CFAP263: variants seen among roughly 807,000 people sequenced by gnomAD.
CFAP263 encodes cilia and flagella associated protein 263.
At chr16:58,260,252 A>G in the CFAP263 span, among the ~76,000 whole-genome samples, 4 of 152,124 alleles carry the variant, frequency 2.6e-5, no homozygotes, top group Non-Finnish European at 5.9e-5. Context: ...AGGGGTCAGG[A>G]GTCAAGGACT....
the CFAP263 span, among the ~76,000 whole-genome samples, chr16:58,274,326 C>T: frequency 6.6e-6 from 1 of 152,204 alleles, no homozygotes; most frequent in Admixed American, 6.5e-5. Flanking sequence ...CCTTAAAAAA[C>T]TCCATTGTTT....
the CFAP263 span, among the ~76,000 whole-genome samples, chr16:58,256,979 A>G: frequency 6.9e-6 from 1 of 143,928 alleles, no homozygotes; most frequent in Non-Finnish European, 1.5e-5. Context: ...TTTACCTCCT[A>G]CAGTTTAGAT....
the CFAP263 span, chr16:58,279,882 C>T: frequency 1.4e-5 from 13 of 912,438 alleles, no homozygotes; most frequent in Admixed American, 7.1e-5. Context: ...CCTGGTGTTC[C>T]CAACCCCCCA....
the CFAP263 span, chr16:58,262,411 C>A: frequency 3.1e-6 from 5 of 1,612,214 alleles, no homozygotes; most frequent in Non-Finnish European, 4.2e-6. Flanking sequence ...AGGCCCTTCA[C>A]GATGTTGATT....
chr16:58,277,651 G>C, the CFAP263 span, among the ~76,000 whole-genome samples: 1 of 152,158 alleles, frequency 6.6e-6, no homozygotes, highest in South Asian at 2.1e-4. Context: ...TAGCCAAGAA[G>C]TGGAAGCAAC....
At chr16:58,254,253 G>A in the CFAP263 span, 1 of 1,365,038 alleles carries the variant, frequency 7.3e-7, no homozygotes, top group Non-Finnish European at 1.0e-6. Flanking sequence ...GATTGTTGGG[G>A]CTTTGGAAGA....
chr16:58,267,204 C>A, the CFAP263 span, among the ~76,000 whole-genome samples: 20 of 152,226 alleles, frequency 1.3e-4, no homozygotes, highest in East Asian at 1.9e-4. Context: ...TCTGGGACCT[C>A]CCCAGAGATC....
chr16:58,273,489 T>C, the CFAP263 span, among the ~76,000 whole-genome samples: 1 of 152,238 alleles, frequency 6.6e-6, no homozygotes, highest in African/African-American at 2.4e-5. Context: ...CTTTTTCATT[T>C]TAGTCATCAT....
the CFAP263 span, chr16:58,250,078 C>T: frequency 6.3e-7 from 1 of 1,596,274 alleles, no homozygotes; most frequent in Non-Finnish European, 8.5e-7. Context: ...GCTGGAGCTG[C>T]CTGTTATCCA....
the CFAP263 span, among the ~76,000 whole-genome samples, chr16:58,254,367 A>G: frequency 6.6e-6 from 1 of 152,208 alleles, no homozygotes; most frequent in Non-Finnish European, 1.5e-5. Flanking sequence ...GGAAATTTCA[A>G]AAATACACGA....
the CFAP263 span, chr16:58,279,964 T>C: frequency 3.2e-6 from 2 of 621,812 alleles, no homozygotes; most frequent in Non-Finnish European, 5.6e-6. Context: ...CCCCTGGAAC[T>C]GTTACCACTG....
chr16:58,268,640 C>A, the CFAP263 span, among the ~76,000 whole-genome samples: 1 of 152,118 alleles, frequency 6.6e-6, no homozygotes, highest in African/African-American at 2.4e-5. Context: ...ACATGCACAT[C>A]ATTTTCTCGA....
At chr16:58,279,077 G>A in the CFAP263 span, among the ~76,000 whole-genome samples, 1 of 151,978 alleles carries the variant, frequency 6.6e-6, no homozygotes, top group Non-Finnish European at 1.5e-5. Flanking sequence ...GCTTTTGAAC[G>A]AATCCCGCAG....
chr16:58,269,437 A>AAAGG, the CFAP263 span, among the ~76,000 whole-genome samples: 1,348 of 151,962 alleles, frequency 8.9e-3, 37 homozygotes, highest in African/African-American at 0.031. Flanking sequence ...GAAAGGAAAG[A>AAAGG]AAGGAAGGAA....
At chr16:58,254,229 G>T in the CFAP263 span, 1 of 1,514,028 alleles carries the variant, frequency 6.6e-7, no homozygotes, top group Non-Finnish European at 9.1e-7. Context: ...GAGGTATCTA[G>T]AGTGGGTTCA....
At chr16:58,270,378 A>G in the CFAP263 span, among the ~76,000 whole-genome samples, 46 of 152,176 alleles carry the variant, frequency 3.0e-4, no homozygotes, top group Non-Finnish European at 6.3e-4. Context: ...CATGTAATTT[A>G]TCGAACACTG....
the CFAP263 span, among the ~76,000 whole-genome samples, chr16:58,275,868 C>A: frequency 6.6e-6 from 1 of 152,042 alleles, no homozygotes; most frequent in Non-Finnish European, 1.5e-5. Flanking sequence ...AGTAATAAAA[C>A]CATTAAAATC....
the CFAP263 span, among the ~76,000 whole-genome samples, chr16:58,278,061 A>G: frequency 6.6e-6 from 1 of 152,222 alleles, no homozygotes; most frequent in Non-Finnish European, 1.5e-5. Context: ...ATAGTTAAAA[A>G]TGGTTAAGAT....
At chr16:58,252,249 A>G in the CFAP263 span, among the ~76,000 whole-genome samples, 1 of 152,168 alleles carries the variant, frequency 6.6e-6, no homozygotes, top group African/African-American at 2.4e-5. Flanking sequence ...GTGCACCTGC[A>G]GTCCTAGCTA....
Sources: gnomAD v4.1 joint callset for allele counts (sites outside exome capture counted in the v4.1 genomes callset) on GRCh38, gnomAD v4.1.1 for gene constraint, MANE v1.5 for transcripts, NCBI Gene and HGNC (gene_info 2026-07-23, HGNC 2026-07-21) for gene names.